Variants in GAD2 observed in about 807,000 individuals in gnomAD.
The protein encoded by GAD2 is glutamate decarboxylase 2.
In GAD2, 22 loss-of-function variants were observed where a neutral mutation model predicts 80.1. The ratio of observed to expected loss-of-function variants is 0.27; its 90% CI spans 0.20 to 0.39. The LOEUF is 0.39. Ranked by LOEUF, GAD2 falls within the 10% of genes least tolerant of loss-of-function variation. The pLI, the probability that GAD2 is intolerant of heterozygous loss-of-function variation, is 1.00. For synonymous variants in GAD2, 274 were observed against 256.9 expected, an observed-to-expected ratio of 1.07 and a Z score of -0.64; for missense variants, 624 against 738.4, an observed-to-expected ratio of 0.85 and a Z score of 1.80.
chr10:26,289,696 A>C (rs1228641709), intron 13 of GAD2, among the ~76,000 whole-genome samples: 1 of 152,090 alleles, frequency 6.6e-6, no homozygotes, highest in Non-Finnish European at 1.5e-5. Context: ...CTAGGACCTA[A>C]TGATTATTTC....
At position 26,218,551 on chromosome 10, in the gene GAD2, T is replaced by TCACACACACACACACACA. The variant is rs59054319; in HGVS notation, c.287-472_287-455dup. Among the ~76,000 whole-genome samples the TCACACACACACACACACA allele has an allele frequency of 2.9e-4, 34 of 118,854 alleles. No individual in the cohort carries two copies. In the East Asian group the frequency reaches 4.4e-3, roughly 15 times the overall value. 78.0% of individuals were successfully genotyped at this position (118,854 alleles called of 152,430 possible). A position where few individuals can be genotyped will look rare whatever the true frequency, so the allele number is the denominator to read the frequency against. On this transcript the variant is annotated intron_variant, in intron 3 of 15. Coordinates refer to ENST00000376261, the MANE Select transcript of GAD2 (RefSeq NM_001134366.2). ...CATGCATACGCTCTCTCTCTCTCTC[T>TCACACACACACACACACA]CACACACACACACACACACACACAC...
At chr10:26,296,774 T>C (rs533347408) in intron 15 of GAD2, among the ~76,000 whole-genome samples, 41 of 152,288 alleles carry the variant, frequency 2.7e-4, no homozygotes, top group African/African-American at 9.4e-4. Flanking sequence ...CCTACACTGA[T>C]TGGAGGACTT....
At position 26,245,906 on chromosome 10, in the gene GAD2, A is replaced by G. The variant is rs111929632; in HGVS notation, c.841-15A>G. On this transcript the variant is annotated splice_polypyrimidine_tract_variant and intron_variant, in intron 7 of 15. Coordinates refer to ENST00000376261, the MANE Select transcript of GAD2 (RefSeq NM_001134366.2). ...TATATGGAACTAATTGCAAATATAT[A>G]TATTTTTTTTACAGAGTCATTTTTC... 4,701 of 1,595,628 alleles carry G rather than the reference A, an allele frequency of 2.9e-3. 15 individuals carry two copies. The highest frequency in any genetic ancestry group is 3.6e-3 in the Non-Finnish European group (4,243 of 1,164,356).
chr10:26,287,381 C>G (rs8190777), intron 13 of GAD2, among the ~76,000 whole-genome samples: 2 of 152,120 alleles, frequency 1.3e-5, no homozygotes, highest in African/African-American at 4.8e-5. Context: ...GAGAGAGTCT[C>G]TCTAAGAGAA....
intron 8 of GAD2, among the ~76,000 whole-genome samples, chr10:26,253,779 T>G (rs1363760900): frequency 2.0e-5 from 3 of 152,180 alleles, no homozygotes; most frequent in Admixed American, 2.0e-4. Context: ...TCACATCCAG[T>G]TCTGCAACTA....
At chr10:26,282,618 A>G (rs1845283969) in intron 12 of GAD2, among the ~76,000 whole-genome samples, 1 of 152,190 alleles carries the variant, frequency 6.6e-6, no homozygotes, top group Non-Finnish European at 1.5e-5. Context: ...CAATATCTCT[A>G]TGGTTAAAAT....
chr10:26,267,918 A>G (rs945278174), intron 8 of GAD2, among the ~76,000 whole-genome samples: 1 of 152,188 alleles, frequency 6.6e-6, no homozygotes, highest in African/African-American at 2.4e-5. Flanking sequence ...CAGCACTAGA[A>G]GCTGTGATGA....
chr10:26,238,939 C>T (rs768723210), intron 7 of GAD2, among the ~76,000 whole-genome samples: 46 of 150,590 alleles, frequency 3.1e-4, no homozygotes, highest in Admixed American at 5.3e-4. Flanking sequence ...GAGGAGGATA[C>T]GGTGAGAACT....
chr10:26,270,709 G>A lies in GAD2; in HGVS notation c.1045G>A (p.Ala349Thr). 1 of 1,614,126 alleles carries A rather than the reference G, an allele frequency of 6.2e-7. No homozygotes were observed. Among genetic ancestry groups the A allele is most frequent in the Non-Finnish European group, 8.5e-7 (1 of 1,179,978 alleles). ...GTACGGAGCATTTGACCCCCTCTTA[G>A]CTGTCGCTGACATTTGCAAAAAGTA... Reference protein sequence around the residue: ...TVYGAFDPLLAVADICKKYKI... With the variant: ...TVYGAFDPLLTVADICKKYKI... The change falls in exon 10 of 16, where the codon GCT (alanine) becomes ACT (threonine). Residue 349 changes from alanine (A) to threonine (T), a missense_variant. Transcript: ENST00000376261.
At chr10:26,273,732 A>C in intron 11 of GAD2, 32 bp downstream of exon 11, 1 of 1,574,718 alleles carries the variant, frequency 6.4e-7, no homozygotes, top group South Asian at 1.1e-5. Flanking sequence ...AACAACATAA[A>C]GTGTTAAAAG....
At chr10:26,218,018 G>T in intron 3 of GAD2, 27 bp downstream of exon 3, 11 of 1,578,098 alleles carry the variant, frequency 7.0e-6, no homozygotes, top group African/African-American at 1.4e-5. Flanking sequence ...GAGCCCCGGG[G>T]CGCCCCTGCC....
intron 4 of GAD2, among the ~76,000 whole-genome samples, chr10:26,223,421 G>A (rs1432536183): frequency 6.6e-6 from 1 of 152,128 alleles, no homozygotes; most frequent in Non-Finnish European, 1.5e-5. Context: ...CCTGGCGGAT[G>A]TCATGGTATG....
intron 4 of GAD2, among the ~76,000 whole-genome samples, chr10:26,220,637 T>C (rs1844442050): frequency 6.6e-6 from 1 of 152,228 alleles, no homozygotes; most frequent in African/African-American, 2.4e-5. Flanking sequence ...CCTGCATTCA[T>C]AGTGCAATCC....
chr10:26,280,965 G>C, intron 11 of GAD2, 44 bp from the exon 12 acceptor site: 1 of 1,410,928 alleles, frequency 7.1e-7, no homozygotes, highest in Non-Finnish European at 1.0e-6. Flanking sequence ...CCCTGAGCCT[G>C]TCAGGGTGGA....
intron 7 of GAD2, among the ~76,000 whole-genome samples, chr10:26,242,888 A>G (rs1205628274): frequency 6.6e-6 from 1 of 152,176 alleles, no homozygotes; most frequent in Admixed American, 6.5e-5. Flanking sequence ...TTTAGTGCTT[A>G]AGAGCTCATT....
At chr10:26,284,864 C>G (rs1441500456) in intron 12 of GAD2, among the ~76,000 whole-genome samples, 1 of 152,118 alleles carries the variant, frequency 6.6e-6, no homozygotes, top group Non-Finnish European at 1.5e-5. Flanking sequence ...CCACCGCACC[C>G]GGCCATCCAG....
At chr10:26,295,296 A>G (rs1377923002) in intron 15 of GAD2, among the ~76,000 whole-genome samples, 1 of 152,174 alleles carries the variant, frequency 6.6e-6, no homozygotes, top group Non-Finnish European at 1.5e-5. Flanking sequence ...GGATTGCAGA[A>G]TGAATTCTCC....
rs372865003 is a variant in GAD2, at chr10:26,292,420, C to A, written c.1387-45C>A. The A allele has an allele frequency of 5.5e-6, 8 of 1,446,598 alleles. No homozygotes were observed. The Admixed American group carries it at 1.2e-4, about 22-fold the overall frequency. 89.6% of individuals were successfully genotyped at this position (1,446,598 alleles called of 1,614,324 possible). On this transcript the variant is annotated intron_variant, in intron 13 of 15. Transcript: ENST00000376261. ...CAGTCTCCAGGGAAATCGCTTCCTC[C>A]GCACTCTTAGCCTGCTTAATGAGCT...
intron 8 of GAD2, among the ~76,000 whole-genome samples, chr10:26,267,363 G>C (rs1337990729): frequency 2.0e-5 from 3 of 152,234 alleles, no homozygotes; most frequent in Non-Finnish European, 4.4e-5. Context: ...CAGGGCTGGA[G>C]CAAGGTGCTT....
Sources: allele counts gnomAD v4.1 joint callset (sites outside exome capture counted in the v4.1 genomes callset), GRCh38; gene constraint gnomAD v4.1.1; transcripts MANE v1.5; gene names NCBI Gene and HGNC (gene_info 2026-07-23, HGNC 2026-07-21).